The following HYDIN variants were observed in gnomAD, a reference collection of about 807,000 sequenced individuals.
The protein encoded by HYDIN is HYDIN axonemal central pair apparatus protein, also known as axonemal central pair apparatus protein HYDIN.
In HYDIN, 132 loss-of-function variants were observed where a neutral mutation model predicts 403.9. The observed-to-expected ratio is 0.33, with a 90% CI of 0.28 to 0.38. The LOEUF is 0.38. Ranked by LOEUF, HYDIN falls within the 10% of genes least tolerant of loss-of-function variation. HYDIN has a pLI of 1.00. For synonymous variants in HYDIN, 1,202 were observed against 1,891.7 expected, an observed-to-expected ratio of 0.64 and a Z score of 9.46; for missense variants, 2,827 against 5,009.5, an observed-to-expected ratio of 0.56 and a Z score of 13.15.
At chr16:70,840,628 C>T (rs2037753190) in intron 75 of HYDIN, among the ~76,000 whole-genome samples, 1 of 152,212 alleles carries the variant, frequency 6.6e-6, no homozygotes, top group Non-Finnish European at 1.5e-5. Context: ...GACATAGTTC[C>T]AGTCATTGAG....
chr16:71,098,470 G>A (rs1333831772), intron 10 of HYDIN, among the ~76,000 whole-genome samples: 2 of 151,722 alleles, frequency 1.3e-5, no homozygotes, highest in South Asian at 2.1e-4. Context: ...CCAAAGTGCT[G>A]GGATTACAGG....
intron 21 of HYDIN, among the ~76,000 whole-genome samples, chr16:71,021,063 T>A (rs1003861839): frequency 2.0e-5 from 3 of 150,304 alleles, no homozygotes; most frequent in Admixed American, 2.0e-4. Context: ...TTTTCCCTTG[T>A]ATAATATTTT....
intron 76 of HYDIN, among the ~76,000 whole-genome samples, 198 bp from the exon 77 acceptor site, chr16:70,838,086 T>C (rs1209054069): frequency 1.3e-5 from 2 of 152,084 alleles, no homozygotes; most frequent in Admixed American, 1.3e-4. Flanking sequence ...ACCAAGTTGC[T>C]CCAAGTCACA....
At chr16:71,070,230 CTGAT>C (rs1269706629) in intron 13 of HYDIN, among the ~76,000 whole-genome samples, 1 of 151,780 alleles carries the variant, frequency 6.6e-6, no homozygotes, top group Non-Finnish European at 1.5e-5. Context: ...ACACTAAGCT[CTGAT>C]TTTCTTTCTT....
chr16:71,208,584 T>C (rs1021704803), intron 1 of HYDIN, among the ~76,000 whole-genome samples: 1 of 151,732 alleles, frequency 6.6e-6, no homozygotes, highest in Admixed American at 6.6e-5. Context: ...ATAGAGATAT[T>C]AAAAAAATAC....
chr16:70,808,313 C>T (rs556093578), intron 85 of HYDIN, among the ~76,000 whole-genome samples: 1 of 152,262 alleles, frequency 6.6e-6, no homozygotes, highest in African/African-American at 2.4e-5. Context: ...AGCCACATTA[C>T]GTTAATAGGG....
At chr16:71,192,344 C>T (rs2087477147) in intron 1 of HYDIN, among the ~76,000 whole-genome samples, 1 of 152,156 alleles carries the variant, frequency 6.6e-6, no homozygotes, top group Admixed American at 6.5e-5. Flanking sequence ...TCATGCCTTT[C>T]CCATACCCCA....
chr16:71,073,893 G>C (rs1453334574), intron 13 of HYDIN, among the ~76,000 whole-genome samples: 1 of 152,058 alleles, frequency 6.6e-6, no homozygotes, highest in Non-Finnish European at 1.5e-5. Context: ...TTTCTGGGTA[G>C]GTCATCCAAC....
intron 1 of HYDIN, among the ~76,000 whole-genome samples, chr16:71,198,794 G>A (rs998098769): frequency 2.0e-5 from 3 of 152,186 alleles, no homozygotes; most frequent in Non-Finnish European, 2.9e-5. Context: ...CTCACTTCAT[G>A]TGATCTGTTG....
At chr16:71,209,696 T>C (rs2088485600) in intron 1 of HYDIN, among the ~76,000 whole-genome samples, 1 of 152,220 alleles carries the variant, frequency 6.6e-6, no homozygotes, top group South Asian at 2.1e-4. Flanking sequence ...AGTTTTGGGA[T>C]ACTAAATCAA....
chr16:70,808,222 T>C (rs1409937916), intron 85 of HYDIN, among the ~76,000 whole-genome samples, 160 bp from the exon 86 acceptor site: 1 of 152,148 alleles, frequency 6.6e-6, no homozygotes, highest in East Asian at 1.9e-4. Flanking sequence ...CCTTGTAGGG[T>C]AGGTATTACT....
At chr16:71,117,728 C>T (rs2084095043) in intron 9 of HYDIN, among the ~76,000 whole-genome samples, 1 of 151,814 alleles carries the variant, frequency 6.6e-6, no homozygotes, top group African/African-American at 2.4e-5. Flanking sequence ...TGCAGTCTGG[C>T]TAGAAAGAAC....
chr16:71,124,205 AC>A (rs2144496818), intron 9 of HYDIN, among the ~76,000 whole-genome samples: 1 of 151,934 alleles, frequency 6.6e-6, no homozygotes, highest in African/African-American at 2.4e-5. Flanking sequence ...TGAGCAATGG[AC>A]CCTACAGCCT....
intron 23 of HYDIN, among the ~76,000 whole-genome samples, chr16:70,999,635 T>TTCATG (rs1167463879): frequency 1.4e-5 from 2 of 147,834 alleles, no homozygotes; most frequent in African/African-American, 5.0e-5. Context: ...CCCGGGTCCC[T>TTCATG]TCATGTCATG....
At chr16:70,951,495 T>C (rs1255702030) in intron 41 of HYDIN, among the ~76,000 whole-genome samples, 1 of 151,936 alleles carries the variant, frequency 6.6e-6, no homozygotes, top group Non-Finnish European at 1.5e-5. Context: ...CCTACATGCA[T>C]TACAGCACCA....
chr16:71,003,853 C>T (rs2079803740), intron 23 of HYDIN, among the ~76,000 whole-genome samples: 1 of 151,556 alleles, frequency 6.6e-6, no homozygotes, highest in African/African-American at 2.4e-5. Context: ...CCATCCTCCT[C>T]ACTCGATTCT....
At chr16:70,883,456 C>T (rs1210653408) in intron 59 of HYDIN, among the ~76,000 whole-genome samples, 1 of 152,078 alleles carries the variant, frequency 6.6e-6, no homozygotes, top group East Asian at 1.9e-4. Flanking sequence ...TAGGTATATG[C>T]CCTGGAAAAA....
chr16:71,022,464 G>C (rs114057324), intron 21 of HYDIN, among the ~76,000 whole-genome samples: 2,610 of 152,206 alleles, frequency 0.017, 62 homozygotes, highest in African/African-American at 0.059. Flanking sequence ...CCAAATCTGA[G>C]GAAACAGCTA....
intron 1 of HYDIN, among the ~76,000 whole-genome samples, chr16:71,212,179 G>A (rs2088628339): frequency 6.6e-6 from 1 of 152,164 alleles, no homozygotes. Context: ...AATATGGATT[G>A]TAAATTAGAT....
Sources: gnomAD v4.1 joint callset for allele counts (sites outside exome capture counted in the v4.1 genomes callset) on GRCh38, gnomAD v4.1.1 for gene constraint, MANE v1.5 for transcripts, NCBI Gene and HGNC (gene_info 2026-07-23, HGNC 2026-07-21) for gene names.